ANKRD31: variants seen among roughly 807,000 people sequenced by gnomAD.
The protein encoded by ANKRD31 is ankyrin repeat domain-containing protein 31.
Under a neutral mutation model 186.0 loss-of-function variants are expected in ANKRD31, and 147 were observed. The observed-to-expected ratio is 0.79, with a 90% CI of 0.69 to 0.91. ANKRD31 has a LOEUF of 0.91. Ranked by LOEUF, ANKRD31 falls within the 40% of genes least tolerant of loss-of-function variation. The pLI is 0.00. For synonymous variants in ANKRD31, 673 were observed against 736.4 expected (o/e 0.91, Z 1.39); for missense variants, 1,986 against 2,148.8 (o/e 0.92, Z 1.50).
chr5:75,217,085 G>A (rs975539762), intron 3 of ANKRD31, among the ~76,000 whole-genome samples: 9 of 152,176 alleles, frequency 5.9e-5, no homozygotes, highest in African/African-American at 1.9e-4. Flanking sequence ...TGTGGTCCAA[G>A]AGTGTGGGTG....
At chr5:75,193,622 T>C (rs1316344201) in intron 7 of ANKRD31, 31 bp from the exon 8 acceptor site, 10 of 1,493,856 alleles carry the variant, frequency 6.7e-6, no homozygotes, top group South Asian at 6.5e-5. Flanking sequence ...CCACAAAAAA[T>C]TACAACACTG....
Position 75,104,302 on chromosome 5 carries a change from A to T in ANKRD31, c.5257T>A (p.Cys1753Ser), listed in dbSNP as rs2150056598. Residue 1753 changes from cysteine (C) to serine (S), a missense_variant, in exon 22 of 26, where the codon TGT (cysteine) becomes AGT (serine). Coordinates refer to ENST00000506364, the MANE Select transcript of ANKRD31 (RefSeq NM_001372053.1). ...AATATCAAATCTTTTATCTGAATAC[A>T]TTTCTTTTTAGGAGCTGTACTGTAG... ...LNYSTAPKKK[C>S]IQIKDLILLG... 1 of 1,536,308 alleles carries T rather than the reference A, an allele frequency of 6.5e-7. No homozygotes were observed. The highest frequency in any genetic ancestry group is 2.4e-5 in the East Asian group (1 of 40,878).
At position 75,206,489 on chromosome 5, in the gene ANKRD31, T is replaced by C. The variant is rs772792261; in HGVS notation, c.327-2A>G. The C allele has an allele frequency of 4.2e-6, 6 of 1,412,670 alleles. No individual in the cohort carries two copies. The African/African-American group carries it at 8.7e-5, about 21-fold the overall frequency. 87.5% of individuals were successfully genotyped at this position (1,412,670 alleles called of 1,614,324 possible). ...AACATTGAACAGTTTTTTCTAGTCCTAAAAAATCAATTAATAAAAATAAAT... is the reference window on the plus strand; with the variant it reads ...AACATTGAACAGTTTTTTCTAGTCCCAAAAAATCAATTAATAAAAATAAAT... On this transcript the variant is annotated splice_acceptor_variant, in intron 4 of 25. Transcript: ENST00000506364. LOFTEE classifies it high-confidence loss of function.
intron 19 of ANKRD31, among the ~76,000 whole-genome samples, chr5:75,116,041 A>C (rs1748212351): frequency 6.6e-6 from 1 of 151,698 alleles, no homozygotes; most frequent in Non-Finnish European, 1.5e-5. Flanking sequence ...TGGATTAAGA[A>C]AATGTGGCAC....
intron 22 of ANKRD31, among the ~76,000 whole-genome samples, chr5:75,093,585 CCA>C (rs944843966): frequency 2.6e-5 from 4 of 151,832 alleles, no homozygotes; most frequent in African/African-American, 7.3e-5. Flanking sequence ...ATGCAGAGAT[CCA>C]CAGACACATA....
intron 22 of ANKRD31, among the ~76,000 whole-genome samples, chr5:75,096,476 A>G (rs1304080792): frequency 2.0e-5 from 3 of 152,002 alleles, no homozygotes; most frequent in African/African-American, 7.2e-5. Flanking sequence ...GTTCGCTCTA[A>G]TGATAGTTTC....
intron 17 of ANKRD31, among the ~76,000 whole-genome samples, chr5:75,132,573 C>A (rs974095355): frequency 2.0e-5 from 3 of 152,096 alleles, no homozygotes; most frequent in Non-Finnish European, 4.4e-5. Flanking sequence ...GAGAATGGAA[C>A]CAAGTTGGAA....
At chr5:75,082,791 G>A (rs1745184320) in intron 24 of ANKRD31, among the ~76,000 whole-genome samples, 1 of 152,166 alleles carries the variant, frequency 6.6e-6, no homozygotes, top group African/African-American at 2.4e-5. Flanking sequence ...GAGGGATGGG[G>A]TAATTTCTTA....
chr5:75,105,317 T>C (rs1747248394), intron 21 of ANKRD31, 99 bp from the exon 22 acceptor site: 1 of 1,270,996 alleles, frequency 7.9e-7, no homozygotes, highest in Non-Finnish European at 1.0e-6. Context: ...CAAATTTTAA[T>C]CACTTTAAAA....
At chr5:75,119,535 T>C (rs902799757) in intron 17 of ANKRD31, among the ~76,000 whole-genome samples, 3 of 152,248 alleles carry the variant, frequency 2.0e-5, no homozygotes, top group Non-Finnish European at 4.4e-5. Context: ...GTCTTTGCTA[T>C]TGTGAATAGT....
chr5:75,121,054 G>A, intron 17 of ANKRD31, among the ~76,000 whole-genome samples: 1 of 151,892 alleles, frequency 6.6e-6, no homozygotes, highest in Non-Finnish European at 1.5e-5. Context: ...GTGGTGGCGT[G>A]CGCCTGTAAT....
chr5:75,173,604 C>G (rs142714692), intron 10 of ANKRD31, among the ~76,000 whole-genome samples: 2,746 of 152,176 alleles, frequency 0.018, 80 homozygotes, highest in African/African-American at 0.063. Flanking sequence ...AAACAGAGAG[C>G]CAAGTCACGA....
intron 17 of ANKRD31, among the ~76,000 whole-genome samples, chr5:75,135,008 G>T (rs1313752976): frequency 6.6e-6 from 1 of 152,056 alleles, no homozygotes; most frequent in East Asian, 1.9e-4. Context: ...GTATTGATGG[G>T]ACGTATCTCA....
chr5:75,222,276 AG>A lies in ANKRD31; in HGVS notation c.260del (p.Pro87LeufsTer42). The stretch of plus-strand genomic sequence containing the variant: ...GTAATATTGTATCCTCGCTAAGAAC[AG>A]GCATCATCTTATTTTTATTCATTTG... The part of the protein sequence containing the change: ...QEQMNKNKMM[P>X]VLSEDTILQS... On this transcript the variant is annotated frameshift_variant, in exon 3 of 26. Coordinates refer to ENST00000506364, the MANE Select transcript of ANKRD31 (RefSeq NM_001372053.1). LOFTEE classifies it high-confidence loss of function. 2.0e-6 allele frequency: 3 copies of A among 1,536,324 alleles called. No homozygotes were observed. Among genetic ancestry groups the A allele is most frequent in the Non-Finnish European group, 2.6e-6 (3 of 1,146,272 alleles).
At chr5:75,135,963 T>C (rs1285752397) in intron 17 of ANKRD31, among the ~76,000 whole-genome samples, 3 of 152,200 alleles carry the variant, frequency 2.0e-5, no homozygotes, top group African/African-American at 7.2e-5. Flanking sequence ...TGGCTAGCCA[T>C]ATGCAGAAAG....
intron 10 of ANKRD31, among the ~76,000 whole-genome samples, chr5:75,172,467 T>C (rs753841535): frequency 2.0e-5 from 3 of 149,396 alleles, no homozygotes; most frequent in Admixed American, 6.7e-5. Context: ...TTTGAAAAGA[T>C]CAACAAAATT....
At chr5:75,105,303 T>C in intron 21 of ANKRD31, 85 bp from the exon 22 acceptor site, 1 of 1,323,008 alleles carries the variant, frequency 7.6e-7, no homozygotes, top group South Asian at 1.9e-5. Flanking sequence ...AGATACTTTG[T>C]CTCCAAATTT....
chr5:75,187,747 T>G (rs895458074), intron 10 of ANKRD31, among the ~76,000 whole-genome samples: 1 of 152,122 alleles, frequency 6.6e-6, no homozygotes, highest in African/African-American at 2.4e-5. Context: ...GGTAAAGTAC[T>G]GGGGGTGCAC....
rs1454425667 is a variant in ANKRD31, at chr5:75,162,612, CA to C, written c.1707+6366del. Among the ~76,000 whole-genome samples the C allele has an allele frequency of 5.3e-5, 8 of 152,210 alleles. No individual in the cohort carries two copies. In the South Asian group the frequency reaches 6.2e-4, roughly 12 times the overall value. On this transcript the variant is annotated intron_variant, in intron 11 of 25. Coordinates refer to ENST00000506364, the MANE Select transcript of ANKRD31 (RefSeq NM_001372053.1). ...TGAGGACATGAGATTTAGGAGGGGTCAGGGGTGGAATTACATGGTTTGGCTC... is the reference window on the plus strand; with the variant it reads ...TGAGGACATGAGATTTAGGAGGGGTCGGGGTGGAATTACATGGTTTGGCTC...
Sources: allele counts gnomAD v4.1 joint callset (sites outside exome capture counted in the v4.1 genomes callset), GRCh38; gene constraint gnomAD v4.1.1; transcripts MANE v1.5; gene names NCBI Gene and HGNC (gene_info 2026-07-23, HGNC 2026-07-21).